Variants in EPB41L4A observed in about 807,000 individuals in gnomAD.
The protein encoded by EPB41L4A is erythrocyte membrane protein band 4.1 like 4A.
A neutral mutation model predicts 108.6 loss-of-function variants in EPB41L4A; 100 were observed. The ratio of observed to expected loss-of-function variants is 0.92; its 90% CI spans 0.78 to 1.09. The LOEUF (loss-of-function observed/expected upper bound fraction) is 1.09, where lower values mean the gene tolerates loss of function less well. EPB41L4A is among the 50% of genes least tolerant of loss of function. The probability of loss-of-function intolerance (pLI) is 0.00; values close to 1 mark genes in which losing one functional copy is unlikely to be tolerated. For missense variants in EPB41L4A, 1,030 were observed against 842.7 expected (o/e 1.22, Z -2.75); for synonymous variants, 319 against 289.0 (o/e 1.10, Z -1.05).
At chr5:112,168,555 A>G (rs557062830) in intron 22 of EPB41L4A, among the ~76,000 whole-genome samples, 184 bp downstream of exon 22, 142 of 152,310 alleles carry the variant, frequency 9.3e-4, no homozygotes, top group Middle Eastern at 6.8e-3. Context: ...AGATTGTGCC[A>G]GGGTTCTTGA....
At chr5:112,241,421 T>C (rs1266824658) in intron 9 of EPB41L4A, among the ~76,000 whole-genome samples, 1 of 152,240 alleles carries the variant, frequency 6.6e-6, no homozygotes, top group Non-Finnish European at 1.5e-5. Flanking sequence ...CTAATTATTT[T>C]AATCCAGTAG....
intron 2 of EPB41L4A, among the ~76,000 whole-genome samples, chr5:112,304,977 G>A (rs1754594716): frequency 6.6e-6 from 1 of 152,106 alleles, no homozygotes. Flanking sequence ...ACTTCTGAAA[G>A]CCTAGAAGAT....
chr5:112,263,143 A>T (rs376393830), intron 6 of EPB41L4A, among the ~76,000 whole-genome samples: 1 of 152,190 alleles, frequency 6.6e-6, no homozygotes, highest in East Asian at 1.9e-4. Context: ...CAAAATCTTC[A>T]TTGGTGGTAA....
Position 112,168,835 on chromosome 5 carries a change from T to C in EPB41L4A, c.1851-15A>G. The C allele has an allele frequency of 6.2e-7, 1 of 1,606,982 alleles. No homozygotes were observed. The highest frequency in any genetic ancestry group is 8.5e-7 in the Non-Finnish European group (1 of 1,173,606). ...CTGTTTTTGAACTGCAGAGAATGAG[T>C]TTTAGAATTAGTGACTGGAACAGTA... On this transcript the variant is annotated splice_polypyrimidine_tract_variant and intron_variant, in intron 21 of 22. Coordinates refer to ENST00000261486, the MANE Select transcript of EPB41L4A (RefSeq NM_022140.5).
chr5:112,357,490 A>G (rs955020274), intron 1 of EPB41L4A, among the ~76,000 whole-genome samples: 2 of 152,202 alleles, frequency 1.3e-5, no homozygotes, highest in South Asian at 4.1e-4. Flanking sequence ...CTGTGGCTTC[A>G]CAAAGATTTC....
intron 9 of EPB41L4A, among the ~76,000 whole-genome samples, chr5:112,252,119 G>A (rs1750719433): frequency 6.6e-6 from 1 of 152,146 alleles, no homozygotes; most frequent in South Asian, 2.1e-4. Context: ...TATAAAATGA[G>A]GGAGAGTAAG....
At chr5:112,245,106 CAAAAA>C (rs201980289) in intron 9 of EPB41L4A, among the ~76,000 whole-genome samples, 1 of 104,064 alleles carries the variant, frequency 9.6e-6, no homozygotes, top group African/African-American at 3.5e-5. Flanking sequence ...AAGTGAAGTG[CAAAAA>C]AAAAAAAAAG....
chr5:112,220,727 C>T (rs1022234243), intron 12 of EPB41L4A, among the ~76,000 whole-genome samples: 3 of 152,166 alleles, frequency 2.0e-5, no homozygotes, highest in East Asian at 1.9e-4. Flanking sequence ...CATCTCCCAA[C>T]CCTCTGTCAT....
At chr5:112,334,976 CA>C (rs1756825494) in intron 1 of EPB41L4A, among the ~76,000 whole-genome samples, 1 of 152,126 alleles carries the variant, frequency 6.6e-6, no homozygotes, top group Non-Finnish European at 1.5e-5. Flanking sequence ...AAATGTTTCA[CA>C]AAACACTGGC....
Position 112,191,675 on chromosome 5 carries a change from T to TAA in EPB41L4A, c.1502+2891_1502+2892dup, listed in dbSNP as rs201139640. On this transcript the variant is annotated intron_variant, in intron 17 of 22. Coordinates refer to ENST00000261486, the MANE Select transcript of EPB41L4A (RefSeq NM_022140.5). The stretch of plus-strand genomic sequence containing the variant: ...TAACAGAAAAGACCTCATTTATGTT[T>TAA]AAAAAAAAAAAAAAAATCCTGCAAG... Among the ~76,000 whole-genome samples, 464 of 138,784 alleles carry TAA rather than the reference T, an allele frequency of 3.3e-3. 4 individuals are homozygous for TAA. The highest frequency in any genetic ancestry group is 0.012 in the African/African-American group (444 of 37,822). 91.0% of individuals were successfully genotyped at this position (138,784 alleles called of 152,430 possible).
At chr5:112,209,648 C>T (rs1762636058) in intron 13 of EPB41L4A, among the ~76,000 whole-genome samples, 2 of 152,228 alleles carry the variant, frequency 1.3e-5, no homozygotes, top group African/African-American at 4.8e-5. Flanking sequence ...ATGCAGACCA[C>T]AGACAATCTG....
intron 1 of EPB41L4A, among the ~76,000 whole-genome samples, chr5:112,333,473 A>G (rs900562556): frequency 1.3e-5 from 2 of 152,196 alleles, no homozygotes. Context: ...GTGTGTGAAT[A>G]TTAAGTAAAC....
At chr5:112,419,368 G>A, upstream of EPB41L4A, 1 of 362,050 alleles carries the variant, frequency 2.8e-6, no homozygotes, top group Non-Finnish European at 5.3e-6. Flanking sequence ...CAGTCCTGGG[G>A]ACGACAAAAG....
At chr5:112,412,415 T>A (rs1251548258) in intron 1 of EPB41L4A, among the ~76,000 whole-genome samples, 1 of 152,194 alleles carries the variant, frequency 6.6e-6, no homozygotes, top group East Asian at 1.9e-4. Flanking sequence ...TACGCAGCAT[T>A]AAGACATAAT....
At chr5:112,224,423 GTATC>G (rs1748310749) in intron 12 of EPB41L4A, among the ~76,000 whole-genome samples, 1 of 152,088 alleles carries the variant, frequency 6.6e-6, no homozygotes, top group Admixed American at 6.6e-5. Flanking sequence ...AAATTCCACT[GTATC>G]TATTTTTCAT....
chr5:112,387,345 G>T (rs1043325012), intron 1 of EPB41L4A, among the ~76,000 whole-genome samples: 1 of 152,220 alleles, frequency 6.6e-6, no homozygotes, highest in African/African-American at 2.4e-5. Flanking sequence ...GCATGGAATG[G>T]GTTGGGCACG....
intron 9 of EPB41L4A, among the ~76,000 whole-genome samples, chr5:112,248,770 CT>C (rs758405315): frequency 4.6e-5 from 7 of 152,138 alleles, no homozygotes; most frequent in Non-Finnish European, 1.0e-4. Flanking sequence ...ACTGGGATTA[CT>C]GACAGGATCA....
intron 1 of EPB41L4A, among the ~76,000 whole-genome samples, chr5:112,347,153 G>C (rs1486000453): frequency 6.6e-6 from 1 of 152,164 alleles, no homozygotes; most frequent in Non-Finnish European, 1.5e-5. Flanking sequence ...ACAAAAGTGG[G>C]CTACAATAAC....
chr5:112,224,493 G>A (rs1306883478), intron 12 of EPB41L4A, among the ~76,000 whole-genome samples: 2 of 152,088 alleles, frequency 1.3e-5, no homozygotes, highest in South Asian at 2.1e-4. Context: ...AGGAATTTTA[G>A]AAAGAAGAGG....
Sources: gnomAD v4.1 joint callset for allele counts (sites outside exome capture counted in the v4.1 genomes callset) on GRCh38, gnomAD v4.1.1 for gene constraint, MANE v1.5 for transcripts, NCBI Gene and HGNC (gene_info 2026-07-23, HGNC 2026-07-21) for gene names.